Variants in CDH13 observed in about 807,000 individuals in gnomAD.
CDH13 encodes the protein cadherin-13.
A neutral mutation model predicts 63.8 loss-of-function variants in CDH13; 24 were observed. The ratio of observed to expected loss-of-function variants is 0.38; its 90% CI spans 0.27 to 0.53. The LOEUF (loss-of-function observed/expected upper bound fraction) is 0.53. Ranked by LOEUF, CDH13 falls within the 20% of genes least tolerant of loss-of-function variation. CDH13 has a pLI of 0.85. For synonymous variants in CDH13, 503 were observed against 355.3 expected, an observed-to-expected ratio of 1.42 and a Z score of -4.67; for missense variants, 1,049 against 903.1, an observed-to-expected ratio of 1.16 and a Z score of -2.07.
intron 6 of CDH13, among the ~76,000 whole-genome samples, chr16:83,470,002 C>A (rs181211191): frequency 1.5e-3 from 221 of 152,244 alleles, no homozygotes; most frequent in Non-Finnish European, 2.5e-3. Flanking sequence ...TTTTACTTGG[C>A]CGTAGTCTCT....
chr16:82,950,607 C>T (rs1217704981), intron 2 of CDH13, among the ~76,000 whole-genome samples: 1 of 152,068 alleles, frequency 6.6e-6, no homozygotes, highest in African/African-American at 2.4e-5. Context: ...GATTGTGAGG[C>T]CTCTCCAGCC....
In CDH13 at chr16:83,423,272, C is replaced by G. The variant is rs149849310; in HGVS notation, c.782-63205C>G. On this transcript the variant is annotated intron_variant, in intron 6 of 13. Coordinates refer to ENST00000567109, the MANE Select transcript of CDH13 (RefSeq NM_001257.5). ...TTCAACATGACATGTCAACACTCAC[C>G]CAAGAGACCATCTTTTAACTAAGTC... Among the ~76,000 whole-genome samples, 127 of 152,234 alleles carry G rather than the reference C, an allele frequency of 8.3e-4. 1 individual carries two copies. The highest frequency in any genetic ancestry group is 2.8e-3 in the African/African-American group (116 of 41,532).
intron 5 of CDH13, among the ~76,000 whole-genome samples, chr16:83,305,050 C>T (rs944880459): frequency 3.3e-5 from 5 of 152,188 alleles, no homozygotes; most frequent in African/African-American, 7.2e-5. Flanking sequence ...CCACCTAAAA[C>T]AGAATGCTCT....
intron 2 of CDH13, among the ~76,000 whole-genome samples, chr16:82,870,669 G>A (rs914197766): frequency 1.3e-5 from 2 of 151,974 alleles, no homozygotes; most frequent in Non-Finnish European, 2.9e-5. Context: ...AAATGATAAA[G>A]GTCTGAAGTG....
chr16:83,034,748 C>T (rs1315225100), intron 3 of CDH13, among the ~76,000 whole-genome samples: 2 of 152,146 alleles, frequency 1.3e-5, no homozygotes, highest in Non-Finnish European at 2.9e-5. Flanking sequence ...TGGGCAGGTT[C>T]TCGGGACCAA....
At chr16:83,630,399 A>G (rs1910672236) in intron 8 of CDH13, among the ~76,000 whole-genome samples, 1 of 152,196 alleles carries the variant, frequency 6.6e-6, no homozygotes, top group Non-Finnish European at 1.5e-5. Context: ...CTCAGGGTAT[A>G]ACCTGGTTTT....
At chr16:83,462,331 A>G (rs535370098) in intron 6 of CDH13, among the ~76,000 whole-genome samples, 147 of 152,348 alleles carry the variant, frequency 9.6e-4, no homozygotes, top group African/African-American at 3.3e-3. Flanking sequence ...TTGAGATTGA[A>G]TCTCCTTCTG....
intron 10 of CDH13, among the ~76,000 whole-genome samples, chr16:83,702,199 G>A (rs1231392543): frequency 6.6e-6 from 1 of 152,078 alleles, no homozygotes; most frequent in Non-Finnish European, 1.5e-5. Flanking sequence ...ACCCTCCTTG[G>A]TACTCACTTG....
intron 5 of CDH13, among the ~76,000 whole-genome samples, chr16:83,338,420 C>T (rs933193097): frequency 6.6e-6 from 1 of 152,196 alleles, no homozygotes; most frequent in African/African-American, 2.4e-5. Context: ...AAAGAGGGCT[C>T]TCTGCAGTCA....
intron 1 of CDH13, among the ~76,000 whole-genome samples, chr16:82,709,269 G>C (rs371630450): frequency 2.0e-5 from 3 of 152,038 alleles, no homozygotes; most frequent in African/African-American, 7.2e-5. Context: ...TTAATCCCAG[G>C]AACCAAGAAA....
intron 6 of CDH13, among the ~76,000 whole-genome samples, chr16:83,474,042 C>G (rs2073535010): frequency 6.6e-6 from 1 of 152,230 alleles, no homozygotes; most frequent in East Asian, 1.9e-4. Flanking sequence ...CCCTCTGAGC[C>G]CATACTCAGC....
intron 13 of CDH13, among the ~76,000 whole-genome samples, chr16:83,788,010 C>A (rs899321326): frequency 6.6e-6 from 1 of 152,204 alleles, no homozygotes; most frequent in Non-Finnish European, 1.5e-5. Flanking sequence ...AGCAGTACTT[C>A]CTATGTGATT....
At chr16:83,326,426 T>G (rs1018314649) in intron 5 of CDH13, among the ~76,000 whole-genome samples, 93 of 127,666 alleles carry the variant, frequency 7.3e-4, no homozygotes, top group African/African-American at 2.9e-3. Context: ...CACTTGGTGC[T>G]TTTTTTTTTT....
At chr16:82,633,090 ACCT>A (rs1328276753) in intron 1 of CDH13, among the ~76,000 whole-genome samples, 4 of 151,950 alleles carry the variant, frequency 2.6e-5, no homozygotes, top group African/African-American at 9.7e-5. Context: ...CGGGCCACTC[ACCT>A]CCTGCTGTGT....
chr16:82,903,812 C>G (rs2041550994), intron 2 of CDH13, among the ~76,000 whole-genome samples: 1 of 152,056 alleles, frequency 6.6e-6, no homozygotes, highest in Non-Finnish European at 1.5e-5. Flanking sequence ...GGTTTATTAT[C>G]CATGTTTCGT....
chr16:82,929,559 G>A (rs1169754664), intron 2 of CDH13, among the ~76,000 whole-genome samples: 1 of 147,142 alleles, frequency 6.8e-6, no homozygotes, highest in African/African-American at 2.5e-5. Context: ...GGCTGAAGCA[G>A]GAGAATGGCA....
chr16:82,719,586 C>G, intron 1 of CDH13: 1 of 366,064 alleles, frequency 2.7e-6, no homozygotes, highest in Non-Finnish European at 5.5e-6. Flanking sequence ...TGGCTTGTGT[C>G]TGTAATCCCA....
chr16:83,643,405 A>C (rs1038082650), intron 8 of CDH13, among the ~76,000 whole-genome samples: 1 of 151,980 alleles, frequency 6.6e-6, no homozygotes, highest in Non-Finnish European at 1.5e-5. Flanking sequence ...ACGTGTGATC[A>C]CACTCTCTTC....
chr16:83,470,388 C>A (rs1304590526), intron 6 of CDH13, among the ~76,000 whole-genome samples: 1 of 152,128 alleles, frequency 6.6e-6, no homozygotes, highest in African/African-American at 2.4e-5. Context: ...TGGCACCATC[C>A]CTTTGGCTAT....
Sources: gnomAD v4.1 joint callset for allele counts (sites outside exome capture counted in the v4.1 genomes callset) on GRCh38, gnomAD v4.1.1 for gene constraint, MANE v1.5 for transcripts, NCBI Gene and HGNC (gene_info 2026-07-23, HGNC 2026-07-21) for gene names.